The following SETD7 variants were observed in gnomAD, a reference collection of about 807,000 sequenced individuals.
SETD7 encodes the protein histone-lysine N-methyltransferase SETD7.
Under a neutral mutation model 41.8 loss-of-function variants are expected in SETD7, and 16 were observed. That is an observed-to-expected ratio of 0.38 (90% CI 0.26 to 0.58). SETD7 has a LOEUF of 0.58. SETD7 is among the 20% of genes least tolerant of loss of function. The pLI is 0.64. For missense variants in SETD7, 346 were observed against 459.7 expected, an observed-to-expected ratio of 0.75 and a Z score of 2.26; for synonymous variants, 163 against 169.7, an observed-to-expected ratio of 0.96 and a Z score of 0.31.
intron 4 of SETD7, among the ~76,000 whole-genome samples, chr4:139,527,715 T>C (rs1727370778): frequency 6.6e-6 from 1 of 152,214 alleles, no homozygotes; most frequent in African/African-American, 2.4e-5. Flanking sequence ...ATGGTACATT[T>C]GTCAAAATTA....
At chr4:139,553,165 T>C (rs1195816466) in intron 1 of SETD7, among the ~76,000 whole-genome samples, 1 of 152,200 alleles carries the variant, frequency 6.6e-6, no homozygotes, top group East Asian at 1.9e-4. Context: ...CCTCAGGGAA[T>C]TGTCCACTCT....
rs1726740403 is a variant in SETD7, at chr4:139,507,471, A to G, written c.*4192T>C. On this transcript the variant is annotated 3_prime_UTR_variant, in exon 8 of 8. Coordinates refer to ENST00000274031, the MANE Select transcript of SETD7 (RefSeq NM_030648.4). ...CAAAATTGATCTGCATTACATCTCA[A>G]TAGACTCAGATAATTCTCACCAAAA... The G allele has an allele frequency of 6.5e-6, 1 of 152,680 alleles. No individual in the cohort carries two copies. The allele number at this position is 152,680 out of a possible 1,614,324, so 9.5% of individuals were successfully genotyped here.
At chr4:139,545,015 G>A (rs976773936) in intron 2 of SETD7, among the ~76,000 whole-genome samples, 3 of 152,038 alleles carry the variant, frequency 2.0e-5, no homozygotes, top group African/African-American at 7.2e-5. Flanking sequence ...AGATGAAGGA[G>A]ACATTTACAT....
chr4:139,516,776 C>T (rs1727038130), intron 7 of SETD7, among the ~76,000 whole-genome samples: 1 of 152,066 alleles, frequency 6.6e-6, no homozygotes, highest in South Asian at 2.1e-4. Flanking sequence ...AGTGGCCTTT[C>T]AACCACTGAA....
At chr4:139,543,703 A>G (rs973220256) in intron 2 of SETD7, among the ~76,000 whole-genome samples, 2 of 151,846 alleles carry the variant, frequency 1.3e-5, no homozygotes, top group Non-Finnish European at 2.9e-5. Flanking sequence ...CCGTAATCCC[A>G]GCACTTTGGA....
At chr4:139,496,667 T>G in intron 7 of SETD7, 1 of 606,800 alleles carries the variant, frequency 1.6e-6, no homozygotes, top group Non-Finnish European at 2.9e-6. Context: ...TCTCTTTTGC[T>G]GGCTCTGACT....
chr4:139,502,958 G>A (rs915443326), downstream of SETD7, among the ~76,000 whole-genome samples: 35 of 152,042 alleles, frequency 2.3e-4, no homozygotes, highest in Middle Eastern at 3.4e-3. Flanking sequence ...TGAGGTGGGC[G>A]GATTGCCTGA....
At chr4:139,547,086 T>C (rs1236344575) in intron 1 of SETD7, 37 bp from the exon 2 acceptor site, 2 of 1,610,424 alleles carry the variant, frequency 1.2e-6, no homozygotes, top group Non-Finnish European at 1.7e-6. Flanking sequence ...CCTTAACATC[T>C]TCAGTGCTCC....
chr4:139,541,324 A>T (rs1289863530), intron 2 of SETD7, among the ~76,000 whole-genome samples: 1 of 152,244 alleles, frequency 6.6e-6, no homozygotes, highest in Non-Finnish European at 1.5e-5. Context: ...AAAATAGAAC[A>T]ATTAAAGAAA....
intron 6 of SETD7, among the ~76,000 whole-genome samples, chr4:139,519,818 G>T (rs1455532919): frequency 2.0e-5 from 3 of 152,194 alleles, no homozygotes; most frequent in Non-Finnish European, 4.4e-5. Flanking sequence ...ATATATCAAA[G>T]ATTGTATCTT....
chr4:139,538,797 G>C (rs1727708016), intron 2 of SETD7, among the ~76,000 whole-genome samples: 1 of 152,106 alleles, frequency 6.6e-6, no homozygotes, highest in Admixed American at 6.6e-5. Context: ...AAATGGTCTT[G>C]CAATTGTTTG....
chr4:139,521,911 C>A (rs1285367148), intron 5 of SETD7, among the ~76,000 whole-genome samples: 1 of 152,226 alleles, frequency 6.6e-6, no homozygotes, highest in Non-Finnish European at 1.5e-5. Flanking sequence ...TGGAGTCCAG[C>A]CTAGGCCAGC....
chr4:139,537,647 T>C (rs1727675146), intron 2 of SETD7, among the ~76,000 whole-genome samples: 1 of 152,214 alleles, frequency 6.6e-6, no homozygotes, highest in Non-Finnish European at 1.5e-5. Flanking sequence ...AATTAGGAAA[T>C]ATGCATCCAC....
At chr4:139,494,202 G>A (rs1726413853), downstream of SETD7, among the ~76,000 whole-genome samples, 1 of 152,146 alleles carries the variant, frequency 6.6e-6, no homozygotes, top group Non-Finnish European at 1.5e-5. Flanking sequence ...CTATAAAGGG[G>A]GAGGATGGTT....
intron 7 of SETD7, among the ~76,000 whole-genome samples, chr4:139,500,150 T>G (rs1248611801): frequency 6.6e-6 from 1 of 152,246 alleles, no homozygotes; most frequent in Non-Finnish European, 1.5e-5. Flanking sequence ...GAGCGGCATT[T>G]GTCTCCTGAT....
intron 7 of SETD7, among the ~76,000 whole-genome samples, chr4:139,497,572 GTTTT>G (rs1023063759): frequency 6.6e-6 from 1 of 151,242 alleles, no homozygotes; most frequent in Non-Finnish European, 1.5e-5. Flanking sequence ...GAGTTTTCAT[GTTTT>G]TTTTGTTTTT....
Position 139,517,911 on chromosome 4 carries a change from G to T in SETD7, c.894C>A (p.Ser298=), listed in dbSNP as rs1295826091. ...CASLGHKANH[S]FTPNCIYDMF... ...TATCGTAGATGCAGTTTGGAGTGAA[G>T]GAGTGATTTGCCTTGTGTCCCAAGG... is the stretch of plus-strand genomic sequence containing the variant. Residue 298 remains serine, a synonymous_variant, in exon 7 of 8, where the codon TCC becomes TCA. Transcript: ENST00000274031. 1 of 1,613,748 alleles carries T rather than the reference G, an allele frequency of 6.2e-7. No homozygotes were observed. The highest frequency in any genetic ancestry group is 2.2e-5 in the East Asian group (1 of 44,858).
rs538721666 is a variant in SETD7 at position 139,529,979 on chromosome 4, C to T, written c.373-759G>A. ...CACTTAGCTTCATGCTTAACTCTTC[C>T]ATTTACTTCATTGCTAGGGGTCATT... On this transcript the variant is annotated intron_variant, in intron 3 of 7. Coordinates refer to ENST00000274031, the MANE Select transcript of SETD7 (RefSeq NM_030648.4). Among the ~76,000 whole-genome samples the T allele has an allele frequency of 8.5e-5, 13 of 152,302 alleles. No individual in the cohort carries two copies. The South Asian group carries it at 2.3e-3, about 27-fold the overall frequency.
intron 2 of SETD7, among the ~76,000 whole-genome samples, chr4:139,538,817 G>C: frequency 6.6e-6 from 1 of 152,092 alleles, no homozygotes; most frequent in East Asian, 1.9e-4. Context: ...GATTTTCCTG[G>C]TACCATCATC....
Sources: gnomAD v4.1 joint callset for allele counts (sites outside exome capture counted in the v4.1 genomes callset) on GRCh38, gnomAD v4.1.1 for gene constraint, MANE v1.5 for transcripts, NCBI Gene and HGNC (gene_info 2026-07-23, HGNC 2026-07-21) for gene names.